MALRD1: variants seen among roughly 807,000 people sequenced by gnomAD.
MALRD1 encodes MAM and LDL-receptor class A domain-containing protein 1.
MALRD1 carries 247 observed loss-of-function variants against 242.1 expected under a neutral mutation model. The observed-to-expected ratio is 1.02, with a 90% CI of 0.92 to 1.13. The LOEUF is 1.13. MALRD1 is among the 50% of genes most tolerant of loss of function. MALRD1 has a pLI of 0.00. For missense variants in MALRD1, 2,989 were observed against 2,533.1 expected (o/e 1.18, Z -3.86); for synonymous variants, 995 against 866.6 (o/e 1.15, Z -2.60).
At chr10:19,641,820 T>A (rs1466475283) in intron 36 of MALRD1, among the ~76,000 whole-genome samples, 1 of 152,170 alleles carries the variant, frequency 6.6e-6, no homozygotes, top group Non-Finnish European at 1.5e-5. Context: ...TCACTAGACA[T>A]GGCTTCCCCA....
rs1241997791 is a variant in MALRD1 at position 19,387,651 on chromosome 10, C to G, written c.4565C>G (p.Thr1522Ser). 1.3e-6 allele frequency: 2 copies of G among 1,550,326 alleles called. No individual in the cohort carries two copies. The highest frequency in any genetic ancestry group is 1.7e-6 in the Non-Finnish European group (2 of 1,146,882). The change falls in exon 27 of 40, where the codon ACT (threonine) becomes AGT (serine). Residue 1522 changes from threonine to serine, a missense_variant. Transcript: ENST00000454679. ...TDENECGSSC[T>S]FEKGWCGWQN... ...GAAAATGAGTGTGGTAGCTCCTGTA[C>G]TTTTGAAAAAGGCTGGTGTGGCTGG...
intron 33 of MALRD1, among the ~76,000 whole-genome samples, chr10:19,571,723 A>G (rs1050887860): frequency 6.6e-6 from 1 of 152,194 alleles, no homozygotes; most frequent in Non-Finnish European, 1.5e-5. Context: ...TTATGTGTTC[A>G]TACTTCAGCC....
intron 11 of MALRD1, among the ~76,000 whole-genome samples, chr10:19,149,608 T>G (rs142687006): frequency 1.3e-5 from 2 of 152,198 alleles, no homozygotes; most frequent in African/African-American, 4.8e-5. Flanking sequence ...GTAACTATTG[T>G]CCCTATCTTC....
intron 30 of MALRD1, among the ~76,000 whole-genome samples, chr10:19,492,613 G>A (rs905887541): frequency 1.5e-4 from 23 of 152,184 alleles, no homozygotes; most frequent in African/African-American, 5.3e-4. Context: ...AGGGTGGTAA[G>A]CCATTGTACA....
At chr10:19,361,549 T>A (rs1282400667) in intron 26 of MALRD1, among the ~76,000 whole-genome samples, 2 of 152,146 alleles carry the variant, frequency 1.3e-5, no homozygotes, top group African/African-American at 4.8e-5. Context: ...GAACTTACTA[T>A]TTTTCATTAT....
chr10:19,160,703 G>A (rs1834357229), intron 12 of MALRD1, among the ~76,000 whole-genome samples: 3 of 62,450 alleles, frequency 4.8e-5, no homozygotes, highest in Non-Finnish European at 9.5e-5. Flanking sequence ...GAGTGTATGT[G>A]TCGAGGAATG....
At chr10:19,226,232 C>T (rs947532257) in intron 18 of MALRD1, among the ~76,000 whole-genome samples, 5 of 152,180 alleles carry the variant, frequency 3.3e-5, no homozygotes, top group Admixed American at 6.5e-5. Flanking sequence ...AGAAAAATCA[C>T]GTGACACTCT....
chr10:19,480,842 G>A (rs1185283493), intron 29 of MALRD1, among the ~76,000 whole-genome samples: 1 of 151,908 alleles, frequency 6.6e-6, no homozygotes, highest in Non-Finnish European at 1.5e-5. Flanking sequence ...TTTTTTGGCG[G>A]TTGGGGGGGA....
intron 18 of MALRD1, among the ~76,000 whole-genome samples, chr10:19,213,591 C>T (rs1185398109): frequency 6.6e-6 from 1 of 152,166 alleles, no homozygotes; most frequent in Non-Finnish European, 1.5e-5. Context: ...TTTCAATAAG[C>T]ATTTTAATGT....
At chr10:19,323,847 G>T (rs952851505) in intron 21 of MALRD1, 102 bp from the exon 22 acceptor site, 17 of 1,033,720 alleles carry the variant, frequency 1.6e-5, no homozygotes, top group Non-Finnish European at 1.8e-5. Flanking sequence ...CTGACTGCAG[G>T]TGATCCACCT....
intron 36 of MALRD1, among the ~76,000 whole-genome samples, chr10:19,676,093 G>A (rs546471649): frequency 1.3e-5 from 2 of 152,270 alleles, no homozygotes; most frequent in South Asian, 4.1e-4. Flanking sequence ...TTGGGGGAAG[G>A]GGCTTTGAAT....
intron 19 of MALRD1, among the ~76,000 whole-genome samples, chr10:19,269,279 A>G (rs1289490507): frequency 6.6e-6 from 1 of 151,862 alleles, no homozygotes; most frequent in African/African-American, 2.4e-5. Flanking sequence ...TTAGGTCATG[A>G]GGATGAGGTT....
chr10:19,664,609 C>T (rs1167397217), intron 36 of MALRD1, among the ~76,000 whole-genome samples: 6 of 151,774 alleles, frequency 4.0e-5, no homozygotes, highest in African/African-American at 9.7e-5. Flanking sequence ...TGGAGCCCCA[C>T]GTCTAAGGAA....
Position 19,049,019 on chromosome 10 carries a change from T to C in MALRD1, c.81T>C (p.Asn27=). The part of the protein sequence containing the change: ...FCCLWIACVF[N]STLAQQGTES... Reference sequence around the variant, plus strand: ...GCCTTTGGATTGCCTGTGTTTTCAATTCTACACTGGCTCAGCAAGGGACAG... The same window carrying C: ...GCCTTTGGATTGCCTGTGTTTTCAACTCTACACTGGCTCAGCAAGGGACAG... Residue 27 remains asparagine (N), a synonymous_variant, in exon 1 of 40, where the codon AAT becomes AAC. Coordinates refer to ENST00000454679, the MANE Select transcript of MALRD1 (RefSeq NM_001142308.3). The C allele has an allele frequency of 8.1e-7, 1 of 1,233,918 alleles. No homozygotes were observed. The highest frequency in any genetic ancestry group is 4.2e-5 in the Admixed American group (1 of 23,736). 76.4% of individuals were successfully genotyped at this position (1,233,918 alleles called of 1,614,324 possible). A position where few individuals can be genotyped will look rare whatever the true frequency, so the allele number is the denominator to read the frequency against.
At chr10:19,076,966 T>C (rs1835338380) in intron 2 of MALRD1, among the ~76,000 whole-genome samples, 1 of 151,982 alleles carries the variant, frequency 6.6e-6, no homozygotes, top group Non-Finnish European at 1.5e-5. Flanking sequence ...CTTTGATTTC[T>C]TTCAACATTG....
At chr10:19,174,967 G>A (rs1290671930) in intron 13 of MALRD1, among the ~76,000 whole-genome samples, 4 of 152,050 alleles carry the variant, frequency 2.6e-5, no homozygotes, top group African/African-American at 9.7e-5. Flanking sequence ...CTTCACTCGT[G>A]ATGAATGTTA....
At chr10:19,602,182 G>A (rs1216907203) in intron 34 of MALRD1, among the ~76,000 whole-genome samples, 1 of 85,550 alleles carries the variant, frequency 1.2e-5, no homozygotes, top group Non-Finnish European at 2.3e-5. Flanking sequence ...GTCCGTCTTT[G>A]CAGGTAGCAT....
At chr10:19,692,930 C>T (rs1372993348) in intron 38 of MALRD1, among the ~76,000 whole-genome samples, 1 of 145,488 alleles carries the variant, frequency 6.9e-6, no homozygotes, top group East Asian at 2.0e-4. Context: ...ATACACAAAT[C>T]AATAAATGTA....
intron 19 of MALRD1, among the ~76,000 whole-genome samples, chr10:19,274,388 C>A (rs1292513409): frequency 6.6e-6 from 1 of 152,122 alleles, no homozygotes; most frequent in African/African-American, 2.4e-5. Flanking sequence ...CAACCCCCAA[C>A]GTGATGGTAT....
Sources: allele counts gnomAD v4.1 joint callset (sites outside exome capture counted in the v4.1 genomes callset), GRCh38; gene constraint gnomAD v4.1.1; transcripts MANE v1.5; gene names NCBI Gene and HGNC (gene_info 2026-07-23, HGNC 2026-07-21).